Variants in FRYL observed in about 807,000 individuals in gnomAD.
FRYL encodes protein furry homolog-like.
Under a neutral mutation model 351.2 loss-of-function variants are expected in FRYL, and 150 were observed. The ratio of observed to expected loss-of-function variants is 0.43; its 90% CI spans 0.37 to 0.49. The LOEUF is 0.49. Among genes scored for constraint, FRYL ranks in the 20% least tolerant of loss-of-function variants. The probability of loss-of-function intolerance (pLI) is 0.00; values close to 1 mark genes in which losing one functional copy is unlikely to be tolerated. For missense variants in FRYL, 3,036 were observed against 3,619.3 expected, an observed-to-expected ratio of 0.84 and a Z score of 4.13; for synonymous variants, 1,153 against 1,257.1, an observed-to-expected ratio of 0.92 and a Z score of 1.75.
intron 1 of FRYL, among the ~76,000 whole-genome samples, chr4:48,750,465 A>C (rs1182997701): frequency 6.6e-6 from 1 of 152,076 alleles, no homozygotes; most frequent in Non-Finnish European, 1.5e-5. Flanking sequence ...CATCTCAAAA[A>C]AAATAAAAAT....
intron 33 of FRYL, 119 bp downstream of exon 33, chr4:48,561,349 T>C (rs1324620589): frequency 3.4e-6 from 2 of 583,558 alleles, no homozygotes; most frequent in Non-Finnish European, 5.5e-6. Context: ...ATATTTCCTA[T>C]GTAAAGACAT....
At chr4:48,571,780 T>C in intron 26 of FRYL, 1 of 974,074 alleles carries the variant, frequency 1.0e-6, no homozygotes. Flanking sequence ...AACTGGCTTT[T>C]GCAGTTTGGT....
intron 5 of FRYL, among the ~76,000 whole-genome samples, chr4:48,622,210 C>T (rs1432276473): frequency 6.6e-6 from 1 of 152,020 alleles, no homozygotes; most frequent in African/African-American, 2.4e-5. Context: ...ATTTCAAATC[C>T]TGATTATGGA....
At chr4:48,554,454 G>A (rs569701587) in intron 35 of FRYL, among the ~76,000 whole-genome samples, 43 of 151,910 alleles carry the variant, frequency 2.8e-4, no homozygotes, top group South Asian at 1.9e-3. Flanking sequence ...TTCCCCCTGC[G>A]TCAGCCTCCG....
At chr4:48,575,087 G>A (rs1739310853) in intron 25 of FRYL, 30 bp downstream of exon 25, 2 of 1,608,482 alleles carry the variant, frequency 1.2e-6, no homozygotes, top group African/African-American at 2.7e-5. Flanking sequence ...ATTCTTTTAG[G>A]ACATAGAAAA....
intron 3 of FRYL, among the ~76,000 whole-genome samples, chr4:48,657,353 C>CTTTTTTTTTTT (rs371640944): frequency 3.0e-4 from 37 of 122,302 alleles, no homozygotes; most frequent in Non-Finnish European, 4.0e-4. Context: ...CTTTTCTTTT[C>CTTTTTTTTTTT]TTTTTTTTTT....
intron 1 of FRYL, among the ~76,000 whole-genome samples, chr4:48,773,940 T>C (rs1277021386): frequency 6.6e-6 from 1 of 152,150 alleles, no homozygotes; most frequent in Non-Finnish European, 1.5e-5. Flanking sequence ...AATACATAAA[T>C]AAGTACCTTT....
At chr4:48,599,727 C>A (rs550810646) in intron 13 of FRYL, among the ~76,000 whole-genome samples, 1 of 152,294 alleles carries the variant, frequency 6.6e-6, no homozygotes, top group Admixed American at 6.5e-5. Flanking sequence ...TATCTTCTTT[C>A]AGCCTCATGT....
At chr4:48,744,683 A>G (rs1261599406) in intron 1 of FRYL, among the ~76,000 whole-genome samples, 1 of 152,196 alleles carries the variant, frequency 6.6e-6, no homozygotes, top group Non-Finnish European at 1.5e-5. Context: ...CAGAACTAAA[A>G]TCTTTCATTT....
intron 15 of FRYL, 45 bp from the exon 16 acceptor site, chr4:48,594,061 T>G (rs1205062642): frequency 9.8e-7 from 1 of 1,021,072 alleles, no homozygotes; most frequent in Non-Finnish European, 1.4e-6. Context: ...ATGTGTTAGG[T>G]ATCATGCTAA....
intron 13 of FRYL, among the ~76,000 whole-genome samples, chr4:48,596,225 T>C (rs1190303384): frequency 6.6e-6 from 1 of 152,160 alleles, no homozygotes; most frequent in Non-Finnish European, 1.5e-5. Flanking sequence ...AAATTTTATT[T>C]ACTAAATTTT....
intron 13 of FRYL, among the ~76,000 whole-genome samples, chr4:48,600,106 CA>C (rs1472335466): frequency 5.2e-4 from 70 of 135,188 alleles, no homozygotes; most frequent in Admixed American, 4.4e-4. Flanking sequence ...GACTTCATCT[CA>C]AAAAAAAAAA....
At chr4:48,667,654 TC>T (rs1761964516) in intron 3 of FRYL, among the ~76,000 whole-genome samples, 1 of 152,024 alleles carries the variant, frequency 6.6e-6, no homozygotes. Context: ...AAGCTTCCAT[TC>T]TTTTTTTTTG....
chr4:48,578,207 T>C (rs1236761021), intron 23 of FRYL, among the ~76,000 whole-genome samples: 2 of 151,994 alleles, frequency 1.3e-5, no homozygotes, highest in Non-Finnish European at 2.9e-5. Context: ...TTTGAAAGTA[T>C]TGATAGAAAG....
intron 2 of FRYL, among the ~76,000 whole-genome samples, chr4:48,703,034 G>A (rs1009333813): frequency 1.3e-5 from 2 of 152,110 alleles, no homozygotes; most frequent in African/African-American, 4.8e-5. Flanking sequence ...TACCCATCTT[G>A]GCTGCCCAAA....
At chr4:48,662,142 G>T (rs886901985) in intron 3 of FRYL, among the ~76,000 whole-genome samples, 2 of 152,160 alleles carry the variant, frequency 1.3e-5, no homozygotes, top group African/African-American at 4.8e-5. Context: ...AGGAGTGAAT[G>T]GAAAATATTA....
chr4:48,564,513 G>A (rs1578140897), intron 30 of FRYL, among the ~76,000 whole-genome samples: 1 of 152,328 alleles, frequency 6.6e-6, no homozygotes, highest in East Asian at 1.9e-4. Context: ...TGTGAAGTCT[G>A]TATATGTACA....
Position 48,761,537 on chromosome 4 carries a change from CACTT to C in FRYL, c.-384+18537_-384+18540del, listed in dbSNP as rs538170150. Among the ~76,000 whole-genome samples, 67 of 152,270 alleles carry C rather than the reference CACTT, an allele frequency of 4.4e-4. 1 individual carries two copies. The South Asian group carries it at 9.1e-3, about 21-fold the overall frequency. On this transcript the variant is annotated intron_variant, in intron 1 of 63. Transcript: ENST00000358350. The stretch of plus-strand genomic sequence containing the variant: ...AGGCCCTCAGATTCACTTCACCACT[CACTT>C]ACTAACTCACCCAGAACAACTTCTA...
chr4:48,643,260 A>G (rs1755685742), intron 3 of FRYL, among the ~76,000 whole-genome samples: 1 of 152,208 alleles, frequency 6.6e-6, no homozygotes, highest in Non-Finnish European at 1.5e-5. Flanking sequence ...CAGAATTGAA[A>G]TAGATGGGCT....
Sources: gnomAD v4.1 joint callset for allele counts (sites outside exome capture counted in the v4.1 genomes callset) on GRCh38, gnomAD v4.1.1 for gene constraint, MANE v1.5 for transcripts, NCBI Gene and HGNC (gene_info 2026-07-23, HGNC 2026-07-21) for gene names.